Variants in CTNNB1 observed in about 807,000 individuals in gnomAD.
CTNNB1 encodes the protein catenin beta 1.
CTNNB1 carries 6 observed loss-of-function variants against 82.5 expected under a neutral mutation model. The ratio of observed to expected loss-of-function variants is 0.07; its 90% CI spans 0.04 to 0.14. The LOEUF (loss-of-function observed/expected upper bound fraction) is 0.14. CTNNB1 is among the 10% of genes least tolerant of loss of function. The pLI, the probability that CTNNB1 is intolerant of heterozygous loss-of-function variation, is 1.00. For missense variants in CTNNB1, 529 were observed against 980.4 expected, an observed-to-expected ratio of 0.54 and a Z score of 6.15; for synonymous variants, 312 against 329.7, an observed-to-expected ratio of 0.95 and a Z score of 0.58.
intron 14 of CTNNB1, 132 bp downstream of exon 14, chr3:41,238,208 T>G (rs968531668): frequency 1.0e-5 from 8 of 800,660 alleles, no homozygotes; most frequent in African/African-American, 1.7e-5. Context: ...AAAGCAGTTC[T>G]TAAATTCCAG....
chr3:41,224,564 A>C lies in CTNNB1; in HGVS notation c.52A>C (p.Arg18=), dbSNP rs1213896677. Residue 18 remains arginine (R), a synonymous_variant, in exon 3 of 15, where the codon AGA becomes CGA. Coordinates refer to ENST00000349496, the MANE Select transcript of CTNNB1 (RefSeq NM_001904.4). ...MELDMAMEPD[R]KAAVSHWQQQ... is the part of the protein sequence containing the mutation. ...GTTGGACATGGCCATGGAACCAGAC[A>C]GAAAAGCGGCTGTTAGTCACTGGCA... 4 of 1,613,858 alleles carry C rather than the reference A, an allele frequency of 2.5e-6. No individual in the cohort carries two copies. The highest frequency in any genetic ancestry group is 3.4e-6 in the Non-Finnish European group (4 of 1,179,954).
chr3:41,216,940 C>G (rs942555760), intron 1 of CTNNB1, among the ~76,000 whole-genome samples: 15 of 152,134 alleles, frequency 9.9e-5, no homozygotes, highest in Admixed American at 3.3e-4. Context: ...GGTGTTTCTA[C>G]TTTGCTATTG....
At chr3:41,204,457 T>C (rs2077602247) in intron 1 of CTNNB1, among the ~76,000 whole-genome samples, 1 of 152,218 alleles carries the variant, frequency 6.6e-6, no homozygotes, top group Non-Finnish European at 1.5e-5. Flanking sequence ...AGAAGCCTTA[T>C]ATAGGATTGG....
chr3:41,223,400 T>A (rs2078098712), intron 1 of CTNNB1, among the ~76,000 whole-genome samples: 1 of 152,186 alleles, frequency 6.6e-6, no homozygotes, highest in Non-Finnish European at 1.5e-5. Context: ...AAATCATTGC[T>A]GTAAATTTGA....
At chr3:41,205,236 A>G (rs1291236240) in intron 1 of CTNNB1, among the ~76,000 whole-genome samples, 2 of 152,228 alleles carry the variant, frequency 1.3e-5, no homozygotes, top group Non-Finnish European at 2.9e-5. Flanking sequence ...AAGCTAAACT[A>G]TTACTGTTAG....
At position 41,239,518 on chromosome 3, in the gene CTNNB1, T is replaced by C. The variant is rs2078523016; in HGVS notation, c.*176T>C. The C allele has an allele frequency of 1.6e-6, 1 of 636,294 alleles. No homozygotes were observed. The highest frequency in any genetic ancestry group is 1.8e-5 in the African/African-American group (1 of 55,148). 39.4% of individuals were successfully genotyped at this position (636,294 alleles called of 1,614,324 possible). On this transcript the variant is annotated 3_prime_UTR_variant, in exon 15 of 15. Coordinates refer to ENST00000349496, the MANE Select transcript of CTNNB1 (RefSeq NM_001904.4). ...GAGATGTCTTGGAACATTGGAATGTTCTCAGATTTCTGGTTGTTATGTGAT... is the reference window on the plus strand; with the variant it reads ...GAGATGTCTTGGAACATTGGAATGTCCTCAGATTTCTGGTTGTTATGTGAT...
chr3:41,200,518 C>G (rs1265383662), intron 1 of CTNNB1: 5 of 152,172 alleles, frequency 3.3e-5, no homozygotes, highest in African/African-American at 1.2e-4. Context: ...CTGCAGGATT[C>G]AGCCTCTGAC....
intron 13 of CTNNB1, chr3:41,237,058 A>G: frequency 5.0e-6 from 2 of 402,914 alleles, no homozygotes; most frequent in Non-Finnish European, 4.4e-6. Context: ...TTTTTACTAA[A>G]CTTTAATAAA....
At chr3:41,233,192 T>C in intron 7 of CTNNB1, 149 bp from the exon 8 acceptor site, 1 of 738,854 alleles carries the variant, frequency 1.4e-6, no homozygotes, top group Non-Finnish European at 2.3e-6. Context: ...AGCAACATTC[T>C]AGAAAATGAG....
intron 1 of CTNNB1, among the ~76,000 whole-genome samples, chr3:41,215,525 T>C (rs1291140379): frequency 6.6e-6 from 1 of 152,108 alleles, no homozygotes; most frequent in African/African-American, 2.4e-5. Flanking sequence ...TCATCAGGTA[T>C]TTAAGAGCTT....
chr3:41,210,417 G>A (rs1479221814), intron 1 of CTNNB1, among the ~76,000 whole-genome samples: 2 of 152,148 alleles, frequency 1.3e-5, no homozygotes, highest in Non-Finnish European at 2.9e-5. Context: ...TAGCGCCACT[G>A]CACTCCAGTC....
chr3:41,228,581 GTTAAT>G (rs1238532631), intron 7 of CTNNB1, among the ~76,000 whole-genome samples: 1 of 152,054 alleles, frequency 6.6e-6, no homozygotes, highest in Non-Finnish European at 1.5e-5. Flanking sequence ...TTTTTTGCTT[GTTAAT>G]TTAAGTTTAT....
rs2125654358 is a variant in CTNNB1 at position 41,239,352 on chromosome 3, T to C, written c.*10T>C. On this transcript the variant is annotated 3_prime_UTR_variant, in exon 15 of 15. Transcript: ENST00000349496. ...TGATACTGACCTGTAAATCATCCTT[T>C]AGGTAAGAAGTTTTAAAAAGCCAGT... 1 of 1,612,410 alleles carries C rather than the reference T, an allele frequency of 6.2e-7. No individual in the cohort carries two copies. Among genetic ancestry groups the C allele is most frequent in the Non-Finnish European group, 8.5e-7 (1 of 1,178,940 alleles).
At chr3:41,233,291 A>G (rs2078354550) in intron 7 of CTNNB1, 50 bp from the exon 8 acceptor site, 2 of 1,472,038 alleles carry the variant, frequency 1.4e-6, no homozygotes, top group Non-Finnish European at 1.9e-6. Context: ...TAGGATTGAT[A>G]GGCACTTCTA....
rs780668438 is a variant in CTNNB1, at chr3:41,236,679, C to G, written c.2046C>G (p.Leu682=). The G allele has an allele frequency of 2.8e-5, 45 of 1,613,996 alleles. No homozygotes were observed. Among genetic ancestry groups the G allele is most frequent in the Non-Finnish European group, 3.5e-5 (41 of 1,179,954 alleles). ...TTTCAGTTGAGCTGACCAGCTCTCT[C>G]TTCAGAACAGAGCCAATGGCTTGGA... ...KRLSVELTSS[L]FRTEPMAWNE... The change falls in exon 13 of 15, where the codon CTC becomes CTG. Residue 682 remains leucine, a synonymous_variant. Transcript: ENST00000349496.
At chr3:41,236,734 A>T (rs769470183) in intron 13 of CTNNB1, 25 bp downstream of exon 13, 1 of 1,614,020 alleles carries the variant, frequency 6.2e-7, no homozygotes, top group South Asian at 1.1e-5. Flanking sequence ...GCAGTTATTT[A>T]TCTGGTAGTT....
rs748172282 is a variant in CTNNB1, at chr3:41,227,333, G to A, written c.1062G>A (p.Lys354=). 35 of 1,613,814 alleles carry A rather than the reference G, an allele frequency of 2.2e-5. No homozygotes were observed. The highest frequency in any genetic ancestry group is 6.7e-5 in the Admixed American group (4 of 59,998). The change falls in exon 7 of 15, where the codon AAG becomes AAA. Residue 354 remains lysine (K), a synonymous_variant. Transcript: ENST00000349496. ...LKVLSVCSSN[K]PAIVEAGGMQ... ...TGCTATCTGTCTGCTCTAGTAATAA[G>A]CCGGCTATTGTAGAAGCTGGTAAGT...
At chr3:41,234,824 G>A (rs1347620051) in intron 10 of CTNNB1, 2 of 168,614 alleles carry the variant, frequency 1.2e-5, no homozygotes, top group East Asian at 3.3e-4. Context: ...TGTCTTAAAA[G>A]TAGCTTCATT....
intron 1 of CTNNB1, among the ~76,000 whole-genome samples, chr3:41,205,903 C>T (rs1418391474): frequency 1.3e-5 from 2 of 152,184 alleles, no homozygotes; most frequent in African/African-American, 4.8e-5. Flanking sequence ...CCCACAATCT[C>T]CATGAGACTT....
Sources: allele counts gnomAD v4.1 joint callset (sites outside exome capture counted in the v4.1 genomes callset), GRCh38; gene constraint gnomAD v4.1.1; transcripts MANE v1.5; gene names NCBI Gene and HGNC (gene_info 2026-07-23, HGNC 2026-07-21).